The following SORCS2 variants were observed in gnomAD, a reference collection of about 807,000 sequenced individuals.
SORCS2 encodes the protein VPS10 domain-containing receptor SorCS2.
Under a neutral mutation model 141.6 loss-of-function variants are expected in SORCS2, and 100 were observed. The ratio of observed to expected loss-of-function variants is 0.71; its 90% CI spans 0.60 to 0.83. SORCS2 has a LOEUF of 0.83. Among genes scored for constraint, SORCS2 ranks in the 40% least tolerant of loss-of-function variants. The pLI, the probability that SORCS2 is intolerant of heterozygous loss-of-function variation, is 0.00. For missense variants in SORCS2, 1,646 were observed against 1,560.2 expected (o/e 1.05, Z -0.93); for synonymous variants, 789 against 676.9 (o/e 1.17, Z -2.57).
chr4:7,579,593 T>A (rs929505495), intron 3 of SORCS2, among the ~76,000 whole-genome samples: 3 of 152,112 alleles, frequency 2.0e-5, no homozygotes, highest in Non-Finnish European at 4.4e-5. Context: ...GGTCCAAGTA[T>A]CCCTGAAGCC....
At chr4:7,638,537 C>A (rs1444461778) in intron 4 of SORCS2, 45 bp downstream of exon 4, 3 of 1,564,778 alleles carry the variant, frequency 1.9e-6, no homozygotes, top group Admixed American at 1.9e-5. Context: ...GGGCTGGGGT[C>A]TGCTCGACCC....
chr4:7,381,813 C>A, intron 1 of SORCS2: 1 of 713,258 alleles, frequency 1.4e-6, no homozygotes, highest in Non-Finnish European at 1.7e-6. Flanking sequence ...AGCCTGAAGG[C>A]CACCATGTGC....
At chr4:7,623,525 C>G (rs552419494) in intron 3 of SORCS2, among the ~76,000 whole-genome samples, 5 of 152,224 alleles carry the variant, frequency 3.3e-5, no homozygotes, top group African/African-American at 1.2e-4. Context: ...CCCCAATGCC[C>G]AAGGTAGGAG....
chr4:7,550,967 C>G (rs564166344), intron 3 of SORCS2, among the ~76,000 whole-genome samples: 1 of 152,278 alleles, frequency 6.6e-6, no homozygotes, highest in East Asian at 1.9e-4. Context: ...TTGGTAAGCC[C>G]ATCTCATTTC....
intron 1 of SORCS2, among the ~76,000 whole-genome samples, chr4:7,277,667 C>G (rs1269332826): frequency 1.3e-5 from 2 of 152,046 alleles, no homozygotes; most frequent in Admixed American, 6.5e-5. Context: ...CCTCCGGACT[C>G]TGAGCTTCTG....
intron 3 of SORCS2, among the ~76,000 whole-genome samples, chr4:7,619,931 C>CTGCCCCTGCCCT (rs977710192): frequency 6.6e-6 from 1 of 152,186 alleles, no homozygotes; most frequent in Non-Finnish European, 1.5e-5. Context: ...GCCCCTGCCC[C>CTGCCCCTGCCCT]TGCCCCTGCC....
intron 2 of SORCS2, among the ~76,000 whole-genome samples, chr4:7,420,099 G>A (rs1016771028): frequency 4.6e-5 from 7 of 152,230 alleles, no homozygotes; most frequent in African/African-American, 1.7e-4. Flanking sequence ...GCCACACTCT[G>A]TCAGCCAGAT....
At chr4:7,729,490 C>A in intron 22 of SORCS2, 97 bp from the exon 23 acceptor site, 2 of 1,458,106 alleles carry the variant, frequency 1.4e-6, no homozygotes, top group Admixed American at 2.1e-5. Context: ...GACAGGTGTA[C>A]AGGCCAAGAA....
At chr4:7,239,658 C>T (rs764791016) in intron 1 of SORCS2, among the ~76,000 whole-genome samples, 2 of 152,162 alleles carry the variant, frequency 1.3e-5, no homozygotes, top group South Asian at 2.1e-4. Context: ...GGGCGAGTCT[C>T]GCACTTGGCC....
rs4689081 is a variant in SORCS2, at chr4:7,201,932, T to A, written c.480+8806T>A. ...GGAGGGCAAGGTCTCCGTCTGTAGC[T>A]TTGGAAAGGTGAAGGCATGTGTTCT... On this transcript the variant is annotated intron_variant, in intron 1 of 26. Coordinates refer to ENST00000507866, the MANE Select transcript of SORCS2 (RefSeq NM_020777.3). This position sits in a 1 kb window ranked among gnomAD's most constrained non-coding sequence, Gnocchi z 4.4. 2.1e-4 allele frequency among the ~76,000 whole-genome samples: 32 copies of A among 151,860 alleles called. No individual in the cohort carries two copies. Among genetic ancestry groups the A allele is most frequent in the African/African-American group, 7.2e-4 (30 of 41,420 alleles).
At chr4:7,436,684 A>G (rs1727325670) in intron 2 of SORCS2, among the ~76,000 whole-genome samples, 1 of 152,198 alleles carries the variant, frequency 6.6e-6, no homozygotes, top group Admixed American at 6.5e-5. Context: ...TCCACTGGGC[A>G]GGTGGAATGC....
At chr4:7,693,273 G>A (rs1724375421) in intron 11 of SORCS2, among the ~76,000 whole-genome samples, 1 of 152,154 alleles carries the variant, frequency 6.6e-6, no homozygotes, top group Admixed American at 6.5e-5. Context: ...GTTATACCCT[G>A]TGAGATCAAT....
At chr4:7,409,374 C>G (rs1353238978) in intron 2 of SORCS2, among the ~76,000 whole-genome samples, 1 of 152,122 alleles carries the variant, frequency 6.6e-6, no homozygotes, top group Non-Finnish European at 1.5e-5. Context: ...TGGGTTCATG[C>G]CCAGGAGACC....
chr4:7,258,322 C>T (rs769381577), intron 1 of SORCS2, among the ~76,000 whole-genome samples: 17 of 152,256 alleles, frequency 1.1e-4, no homozygotes, highest in Middle Eastern at 3.4e-3. Flanking sequence ...CGACAGGCCC[C>T]GGTGTGTGAT....
At chr4:7,398,224 C>A (rs1253671273) in intron 2 of SORCS2, among the ~76,000 whole-genome samples, 1 of 152,196 alleles carries the variant, frequency 6.6e-6, no homozygotes, top group Non-Finnish European at 1.5e-5. Flanking sequence ...CACTTACAGG[C>A]TCCAGACAGG....
intron 2 of SORCS2, among the ~76,000 whole-genome samples, chr4:7,446,355 C>T (rs573533407): frequency 4.6e-5 from 7 of 152,324 alleles, no homozygotes; most frequent in South Asian, 2.1e-4. Flanking sequence ...CTCGCAGTGG[C>T]GTCCGCAGCA....
At chr4:7,619,082 C>G (rs1020428891) in intron 3 of SORCS2, among the ~76,000 whole-genome samples, 1 of 152,142 alleles carries the variant, frequency 6.6e-6, no homozygotes, top group Non-Finnish European at 1.5e-5. Flanking sequence ...GCCTGTGCTA[C>G]GTGTCTCTGG....
intron 3 of SORCS2, among the ~76,000 whole-genome samples, chr4:7,594,512 G>A (rs1373570153): frequency 2.0e-5 from 3 of 152,218 alleles, no homozygotes; most frequent in East Asian, 3.9e-4. Context: ...GCTCCGGGGT[G>A]GGTGTGAGAT....
chr4:7,522,411 C>A (rs11931772), intron 2 of SORCS2, among the ~76,000 whole-genome samples: 2 of 152,298 alleles, frequency 1.3e-5, no homozygotes, highest in East Asian at 3.9e-4. Flanking sequence ...TCTATTTGCC[C>A]GTTTTTAGAC....
Sources: gnomAD v4.1 joint callset for allele counts (sites outside exome capture counted in the v4.1 genomes callset) on GRCh38, gnomAD v4.1.1 for gene constraint, Gnocchi (gnomAD v3.1) non-coding constraint, MANE v1.5 for transcripts, NCBI Gene and HGNC (gene_info 2026-07-23, HGNC 2026-07-21) for gene names.